The following BMPER variants were observed in gnomAD, a reference collection of about 807,000 sequenced individuals.
The protein encoded by BMPER is BMP binding endothelial regulator.
In BMPER, 45 loss-of-function variants were observed where a neutral mutation model predicts 87.3. The ratio of observed to expected loss-of-function variants is 0.52; its 90% CI spans 0.41 to 0.66. The LOEUF (loss-of-function observed/expected upper bound fraction) is 0.66. BMPER is among the 30% of genes least tolerant of loss of function. The probability of loss-of-function intolerance (pLI) is 0.00; values close to 1 mark genes in which losing one functional copy is unlikely to be tolerated. For missense variants in BMPER, 784 were observed against 867.5 expected, an observed-to-expected ratio of 0.90 and a Z score of 1.21; for synonymous variants, 326 against 316.2, an observed-to-expected ratio of 1.03 and a Z score of -0.33.
At chr7:33,966,385 G>C in intron 3 of BMPER, 94 bp from the exon 4 acceptor site, 3 of 1,076,526 alleles carry the variant, frequency 2.8e-6, no homozygotes, top group Non-Finnish European at 4.3e-6. Flanking sequence ...TCGCTAATCT[G>C]GGCTTAGAGA....
chr7:34,067,781 G>A (rs1362457), intron 11 of BMPER, among the ~76,000 whole-genome samples: 28,832 of 152,216 alleles, frequency 0.19, 2,872 homozygotes, highest in Middle Eastern at 0.25. Flanking sequence ...ATCCCACACC[G>A]GTAGAAGCCA....
intron 13 of BMPER, among the ~76,000 whole-genome samples, chr7:34,091,142 G>A (rs1333916549): frequency 6.6e-6 from 1 of 152,152 alleles, no homozygotes. Flanking sequence ...TCCAGGGGAA[G>A]ATCACAAACT....
At chr7:33,975,071 AC>A in intron 6 of BMPER, among the ~76,000 whole-genome samples, 1 of 152,178 alleles carries the variant, frequency 6.6e-6, no homozygotes, top group African/African-American at 2.4e-5. Context: ...CAGCTATATC[AC>A]CACCAATGTC....
intron 6 of BMPER, among the ~76,000 whole-genome samples, chr7:34,040,938 G>A (rs1197376827): frequency 6.6e-6 from 1 of 152,116 alleles, no homozygotes; most frequent in East Asian, 1.9e-4. Context: ...ACAAAAATGT[G>A]GGCAATATAT....
chr7:34,132,783 C>G (rs1790627705), intron 13 of BMPER, among the ~76,000 whole-genome samples: 1 of 152,080 alleles, frequency 6.6e-6, no homozygotes, highest in Non-Finnish European at 1.5e-5. Flanking sequence ...GTGGAGACCC[C>G]ATCACTTTAC....
At chr7:34,109,519 C>T (rs904637410) in intron 13 of BMPER, among the ~76,000 whole-genome samples, 2 of 152,166 alleles carry the variant, frequency 1.3e-5, no homozygotes, top group African/African-American at 4.8e-5. Context: ...GAACTTCTAC[C>T]TTGTTTAATT....
intron 12 of BMPER, among the ~76,000 whole-genome samples, chr7:34,085,237 C>G (rs1386123759): frequency 6.6e-6 from 1 of 152,214 alleles, no homozygotes; most frequent in African/African-American, 2.4e-5. Flanking sequence ...TATTCAGAAA[C>G]TAAATATTGA....
intron 5 of BMPER, among the ~76,000 whole-genome samples, chr7:33,971,361 C>T (rs1222699502): frequency 6.6e-6 from 1 of 152,146 alleles, no homozygotes; most frequent in South Asian, 2.1e-4. Flanking sequence ...CCTTGAATGA[C>T]AAGGATAGCC....
chr7:33,967,466 A>G (rs1352322958), intron 4 of BMPER, among the ~76,000 whole-genome samples: 6 of 152,224 alleles, frequency 3.9e-5, no homozygotes, highest in Non-Finnish European at 7.3e-5. Context: ...TATTCCTATT[A>G]TATGCCATGA....
chr7:34,002,135 G>A lies in BMPER; in HGVS notation c.576+27351G>A, dbSNP rs73329104. The stretch of plus-strand genomic sequence containing the variant: ...TGTATTTGAGAAGAGTGTGTATTTT[G>A]TTGTTTTAGAGTGGAGCGTTCTCTG... On this transcript the variant is annotated intron_variant, in intron 6 of 14. Transcript: ENST00000649409. Among the ~76,000 whole-genome samples the A allele has an allele frequency of 6.7e-3, 1,020 of 151,804 alleles. 8 individuals are homozygous for A. Among genetic ancestry groups the A allele is most frequent in the African/African-American group, 0.023 (960 of 41,520 alleles).
chr7:34,023,768 G>C (rs1301686879), intron 6 of BMPER, among the ~76,000 whole-genome samples: 1 of 152,046 alleles, frequency 6.6e-6, no homozygotes, highest in East Asian at 1.9e-4. Context: ...CATTTGAAGT[G>C]TTCCAAGTTG....
chr7:33,909,555 A>G (rs542472617), intron 2 of BMPER, among the ~76,000 whole-genome samples: 8 of 152,116 alleles, frequency 5.3e-5, no homozygotes, highest in African/African-American at 1.4e-4. Context: ...TTAAGAGGGT[A>G]TGTAATAGTC....
rs115880864 is a variant in BMPER, at chr7:33,977,872, G to A, written c.576+3088G>A. ...TCTAACATACACATGTTTAAGATTG[G>A]ATGCCCCAGAAACAGACCCTGAGAT... On this transcript the variant is annotated intron_variant, in intron 6 of 14. Transcript: ENST00000649409. Among the ~76,000 whole-genome samples, 1,310 of 152,202 alleles carry A rather than the reference G, an allele frequency of 8.6e-3. 19 individuals are homozygous for A. The highest frequency in any genetic ancestry group is 0.03 in the African/African-American group (1,238 of 41,512).
At chr7:34,019,350 A>G (rs970409591) in intron 6 of BMPER, among the ~76,000 whole-genome samples, 3 of 152,052 alleles carry the variant, frequency 2.0e-5, no homozygotes, top group Non-Finnish European at 4.4e-5. Flanking sequence ...CAGAGGGCCA[A>G]GATCAAGGGC....
chr7:33,986,755 A>C (rs1786021774), intron 6 of BMPER, among the ~76,000 whole-genome samples: 1 of 152,200 alleles, frequency 6.6e-6, no homozygotes, highest in East Asian at 1.9e-4. Flanking sequence ...ATTAATGAAA[A>C]TAAAAGAAAT....
At chr7:33,920,656 C>G (rs1562630660) in intron 2 of BMPER, among the ~76,000 whole-genome samples, 1 of 151,878 alleles carries the variant, frequency 6.6e-6, no homozygotes, top group African/African-American at 2.4e-5. Context: ...GAACTCCTGA[C>G]TTTGTGATCT....
intron 13 of BMPER, among the ~76,000 whole-genome samples, chr7:34,128,111 T>A (rs1269493785): frequency 6.6e-6 from 1 of 152,216 alleles, no homozygotes; most frequent in Non-Finnish European, 1.5e-5. Flanking sequence ...CTTCTTGATG[T>A]TCTTGGGTCC....
In BMPER at chr7:34,055,202, G is replaced by A. The variant is rs1194313741; in HGVS notation, c.826G>A (p.Gly276Ser). ...TTGCAAGAGGAAGTGCTCCCACCCT[G>A]GTGGCTGTGACCAAGGCCAGGAGGG... is the stretch of plus-strand genomic sequence containing the variant. ...VVCKRKCSHPGGCDQGQEGCC... is the reference protein window; with the variant it reads ...VVCKRKCSHPSGCDQGQEGCC... The change falls in exon 9 of 15, where the codon GGT (glycine) becomes AGT (serine). Residue 276 changes from glycine (G) to serine (S), a missense_variant. Coordinates refer to ENST00000649409, the MANE Select transcript of BMPER (RefSeq NM_001365308.1). The A allele has an allele frequency of 6.2e-7, 1 of 1,614,134 alleles. No individual in the cohort carries two copies. Among genetic ancestry groups the A allele is most frequent in the Non-Finnish European group, 8.5e-7 (1 of 1,180,004 alleles).
chr7:33,981,636 C>T (rs183969337), intron 6 of BMPER, among the ~76,000 whole-genome samples: 1 of 152,288 alleles, frequency 6.6e-6, no homozygotes, highest in East Asian at 1.9e-4. Flanking sequence ...TAATAATCTG[C>T]TGAATTCATG....
Sources: gnomAD v4.1 joint callset for allele counts (sites outside exome capture counted in the v4.1 genomes callset) on GRCh38, gnomAD v4.1.1 for gene constraint, MANE v1.5 for transcripts, NCBI Gene and HGNC (gene_info 2026-07-23, HGNC 2026-07-21) for gene names.